The following CUX1 variants were observed in gnomAD, a reference collection of about 807,000 sequenced individuals.
CUX1 encodes the protein cut like homeobox 1, also known as protein CASP.
A neutral mutation model predicts 158.8 loss-of-function variants in CUX1; 31 were observed. The ratio of observed to expected loss-of-function variants is 0.20; its 90% CI spans 0.15 to 0.26. CUX1 has a LOEUF of 0.26. Among genes scored for constraint, CUX1 ranks in the 10% least tolerant of loss-of-function variants. The pLI, the probability that CUX1 is intolerant of heterozygous loss-of-function variation, is 1.00. For synonymous variants in CUX1, 879 were observed against 862.1 expected (o/e 1.02, Z -0.34); for missense variants, 1,589 against 2,014.6 (o/e 0.79, Z 4.04).
At chr7:102,147,766 G>T (rs1835177952) in intron 8 of CUX1, among the ~76,000 whole-genome samples, 1 of 152,102 alleles carries the variant, frequency 6.6e-6, no homozygotes, top group Non-Finnish European at 1.5e-5. Flanking sequence ...GGAGGCCAAG[G>T]CAGGTGGATC....
intron 1 of CUX1, among the ~76,000 whole-genome samples, chr7:101,882,406 A>T (rs1259029696): frequency 6.6e-6 from 1 of 151,988 alleles, no homozygotes; most frequent in Non-Finnish European, 1.5e-5. Context: ...CTCTTCAGAG[A>T]CCTACCCTCC....
upstream of CUX1, among the ~76,000 whole-genome samples, chr7:101,816,411 C>CCGCCGCCGCCAG (rs918719972): frequency 7.0e-6 from 1 of 143,240 alleles, no homozygotes. Flanking sequence ...CCCCGCGCCG[C>CCGCCGCCGCCAG]CGCCGCCGCC....
At chr7:101,877,680 C>T (rs1460713246) in intron 1 of CUX1, among the ~76,000 whole-genome samples, 1 of 151,120 alleles carries the variant, frequency 6.6e-6, no homozygotes, top group East Asian at 2.0e-4. Flanking sequence ...GAACGAGACT[C>T]TGTTTCCAAA....
chr7:102,045,771 A>C (rs1822701700), intron 3 of CUX1, among the ~76,000 whole-genome samples: 1 of 152,268 alleles, frequency 6.6e-6, no homozygotes, highest in African/African-American at 2.4e-5. Context: ...AATTATTTTT[A>C]ACATCCTCTC....
At chr7:102,083,850 T>C (rs1288333911) in intron 4 of CUX1, among the ~76,000 whole-genome samples, 2 of 147,198 alleles carry the variant, frequency 1.4e-5, no homozygotes, top group African/African-American at 4.9e-5. Context: ...TTGAATGTTA[T>C]ATTAAAGGAT....
intron 2 of CUX1, among the ~76,000 whole-genome samples, chr7:101,937,674 C>A (rs1807109296): frequency 6.6e-6 from 1 of 152,040 alleles, no homozygotes; most frequent in Non-Finnish European, 1.5e-5. Context: ...CCATGCCCAG[C>A]TAATTTTTTT....
At chr7:101,897,277 G>A (rs1365264786) in intron 1 of CUX1, among the ~76,000 whole-genome samples, 3 of 152,118 alleles carry the variant, frequency 2.0e-5, no homozygotes, top group Non-Finnish European at 4.4e-5. Context: ...GCCACCCCTG[G>A]GTGTGTTTGG....
At chr7:101,932,513 C>A (rs1806402727) in intron 2 of CUX1, 6 of 440,338 alleles carry the variant, frequency 1.4e-5, no homozygotes, top group South Asian at 9.6e-5. Flanking sequence ...TTGAGATCAG[C>A]TCGTTCAGTT....
At chr7:102,015,828 T>C (rs1226019617) in intron 2 of CUX1, among the ~76,000 whole-genome samples, 1 of 152,086 alleles carries the variant, frequency 6.6e-6, no homozygotes. Flanking sequence ...TCTTTTTCTT[T>C]TTTTGGAAGC....
intron 3 of CUX1, among the ~76,000 whole-genome samples, chr7:102,028,724 G>A (rs1161305167): frequency 6.6e-6 from 1 of 152,220 alleles, no homozygotes; most frequent in Non-Finnish European, 1.5e-5. Context: ...TGGGACATCC[G>A]CCCTGGCTAC....
At chr7:101,933,891 A>G (rs191637042) in intron 2 of CUX1, among the ~76,000 whole-genome samples, 5 of 151,784 alleles carry the variant, frequency 3.3e-5, no homozygotes, top group African/African-American at 1.2e-4. Flanking sequence ...TGAAATGATG[A>G]AAAAAAAAGT....
intron 14 of CUX1, chr7:102,273,226 G>A: frequency 8.4e-7 from 1 of 1,191,608 alleles, no homozygotes; most frequent in East Asian, 2.6e-5. Flanking sequence ...GCAGTGGTGA[G>A]TTGGGAGGGA....
intron 9 of CUX1, among the ~76,000 whole-genome samples, chr7:102,168,918 C>CTTTTT (rs1239519322): frequency 4.8e-5 from 4 of 84,128 alleles, no homozygotes; most frequent in African/African-American, 2.1e-4. Context: ...CTTTTATTTT[C>CTTTTT]TTTTCTTTTC....
In CUX1 at chr7:102,234,043, T is replaced by C; in HGVS notation, c.3434-9T>C. 3 of 1,467,378 alleles carry C rather than the reference T, an allele frequency of 2.0e-6. No homozygotes were observed. The highest frequency in any genetic ancestry group is 2.5e-5 in the Admixed American group (1 of 39,344). 90.9% of individuals were successfully genotyped at this position (1,467,378 alleles called of 1,614,324 possible). ...GACAATACCTGTCTTGCTTCTGTTTTCTCTCTAGGCCAGCGCTTATTTGGG... is the reference window on the plus strand; with the variant it reads ...GACAATACCTGTCTTGCTTCTGTTTCCTCTCTAGGCCAGCGCTTATTTGGG... On this transcript the variant is annotated splice_polypyrimidine_tract_variant and intron_variant, in intron 21 of 23. Coordinates refer to ENST00000292535, the MANE Select transcript of CUX1 (RefSeq NM_181552.4).
rs58082112 is a variant in CUX1 at position 102,255,385 on chromosome 7, C to CAAAAAAA, written c.*6350_*6356dup. The CAAAAAAA allele has an allele frequency of 1.3e-6, 1 of 744,110 alleles. No homozygotes were observed. 46.1% of individuals were successfully genotyped at this position (744,110 alleles called of 1,614,324 possible). A position where few individuals can be genotyped will look rare whatever the true frequency, so the allele number is the denominator to read the frequency against. The stretch of plus-strand genomic sequence containing the variant: ...GTTGGGCATTGTAGGCGAAAAATCC[C>CAAAAAAA]AAAAAAAAAAAAAGACAAAAAAAAA... On this transcript the variant is annotated 3_prime_UTR_variant, in exon 24 of 24. Coordinates refer to ENST00000292535, the MANE Select transcript of CUX1 (RefSeq NM_181552.4).
chr7:101,865,062 T>C (rs1355093646), intron 1 of CUX1, among the ~76,000 whole-genome samples: 1 of 152,212 alleles, frequency 6.6e-6, no homozygotes, highest in Non-Finnish European at 1.5e-5. Context: ...TCTCAGTTTA[T>C]CACAAAGATA....
chr7:102,157,676 A>C (rs1400321250), intron 8 of CUX1, among the ~76,000 whole-genome samples: 2 of 152,136 alleles, frequency 1.3e-5, no homozygotes, highest in Non-Finnish European at 1.5e-5. Flanking sequence ...GCTACTCGGG[A>C]GGCTGAGGCA....
intron 20 of CUX1, among the ~76,000 whole-genome samples, chr7:102,207,787 G>A (rs1796106177): frequency 6.6e-6 from 1 of 152,156 alleles, no homozygotes; most frequent in Non-Finnish European, 1.5e-5. Context: ...CATAATGATG[G>A]CCAAGTGAAA....
Position 101,864,825 on chromosome 7 carries a change from A to G in CUX1, c.30+47156A>G, listed in dbSNP as rs542477792. 2.6e-5 allele frequency among the ~76,000 whole-genome samples: 4 copies of G among 152,364 alleles called. No individual in the cohort carries two copies. In the East Asian group the frequency reaches 5.8e-4, roughly 22 times the overall value. ...CTTGGCCTCCCAAAGGGCTGGGATT[A>G]CAGGCATGAGCCACTGTGCCCAGCC... On this transcript the variant is annotated intron_variant, in intron 1 of 23. Coordinates refer to ENST00000292535, the MANE Select transcript of CUX1 (RefSeq NM_181552.4).
Sources: allele counts gnomAD v4.1 joint callset (sites outside exome capture counted in the v4.1 genomes callset), GRCh38; gene constraint gnomAD v4.1.1; transcripts MANE v1.5; gene names NCBI Gene and HGNC (gene_info 2026-07-23, HGNC 2026-07-21).